TM9SF4: variants seen among roughly 807,000 people sequenced by gnomAD.
TM9SF4 encodes the protein dinucleotide oxidase disulfide thiol exchanger 3 superfamily member 4.
In TM9SF4, 26 loss-of-function variants were observed where a neutral mutation model predicts 90.4. That is an observed-to-expected ratio of 0.29 (90% CI 0.21 to 0.40). The LOEUF is 0.40. Among genes scored for constraint, TM9SF4 ranks in the 10% least tolerant of loss-of-function variants. TM9SF4 has a pLI of 1.00. For missense variants in TM9SF4, 549 were observed against 834.8 expected (o/e 0.66, Z 4.22); for synonymous variants, 293 against 315.4 (o/e 0.93, Z 0.75).
chr20:32,136,782 C>T (rs1448019182), intron 3 of TM9SF4: 5 of 461,900 alleles, frequency 1.1e-5, no homozygotes, highest in Non-Finnish European at 2.3e-5. Context: ...ATTAGTGCCT[C>T]CTCTGTGACT....
intron 16 of TM9SF4, among the ~76,000 whole-genome samples, chr20:32,160,386 A>G (rs2046997805): frequency 6.6e-6 from 1 of 152,184 alleles, no homozygotes; most frequent in African/African-American, 2.4e-5. Flanking sequence ...AGTCCACTCC[A>G]GTAGTAGTTT....
Position 32,136,112 on chromosome 20 carries a change from T to C in TM9SF4, c.168T>C (p.Tyr56=). 6.2e-7 allele frequency: 1 copy of C among 1,614,216 alleles called. No individual in the cohort carries two copies. Among genetic ancestry groups the C allele is most frequent in the East Asian group, 2.2e-5 (1 of 44,886 alleles). The change falls in exon 3 of 18, where the codon TAT becomes TAC. Residue 56 remains tyrosine, a synonymous_variant. Transcript: ENST00000398022. ...CCAGCTCTCGAACCCAGCTACCTTA[T>C]GAATACTATTCACTGCCCTTCTGCC... ...KLTSSRTQLP[Y]EYYSLPFCQP...
chr20:32,159,356 C>T (rs1291492978), intron 15 of TM9SF4: 1 of 152,542 alleles, frequency 6.6e-6, no homozygotes, highest in Non-Finnish European at 1.5e-5. Flanking sequence ...GCTGACCCAG[C>T]TCGGGGCCCA....
intron 17 of TM9SF4, among the ~76,000 whole-genome samples, chr20:32,163,268 A>AAATATATATAT (rs1555886757): frequency 3.0e-4 from 22 of 74,458 alleles, no homozygotes; most frequent in African/African-American, 8.9e-4. Context: ...AAAAAAAAAA[A>AAATATATATAT]ATATATATAT....
chr20:32,154,780 A>G (rs1189546252), intron 12 of TM9SF4, among the ~76,000 whole-genome samples: 1 of 152,220 alleles, frequency 6.6e-6, no homozygotes, highest in Non-Finnish European at 1.5e-5. Flanking sequence ...CTCAGTGATG[A>G]GAGTACATCA....
At chr20:32,149,386 A>G (rs2046808971) in intron 9 of TM9SF4, among the ~76,000 whole-genome samples, 2 of 152,206 alleles carry the variant, frequency 1.3e-5, no homozygotes, top group Admixed American at 6.5e-5. Context: ...AGGTATTTAC[A>G]TTATTTTCCC....
intron 1 of TM9SF4, chr20:32,110,004 C>G: frequency 7.1e-7 from 1 of 1,406,326 alleles, no homozygotes; most frequent in Non-Finnish European, 9.2e-7. Context: ...CTGCTGCCTT[C>G]GCCGGTTCCC....
intron 13 of TM9SF4, among the ~76,000 whole-genome samples, chr20:32,156,937 A>ATTTCTT (rs2046931869): frequency 1.6e-5 from 1 of 63,066 alleles, no homozygotes; most frequent in East Asian, 8.2e-4. Context: ...TTTCCTGGAC[A>ATTTCTT]TTTTCTTTTT....
At chr20:32,162,106 G>A (rs1248449377) in intron 17 of TM9SF4, among the ~76,000 whole-genome samples, 1 of 152,204 alleles carries the variant, frequency 6.6e-6, no homozygotes, top group African/African-American at 2.4e-5. Context: ...ATGAGCCATT[G>A]AGAGGAATTT....
chr20:32,111,403 T>C (rs1205970269), intron 1 of TM9SF4, among the ~76,000 whole-genome samples: 2 of 152,192 alleles, frequency 1.3e-5, no homozygotes, highest in African/African-American at 4.8e-5. Flanking sequence ...TCAGAGATTT[T>C]TAAGAGGTTA....
chr20:32,131,207 G>T (rs1467964615), intron 1 of TM9SF4, among the ~76,000 whole-genome samples: 1 of 152,142 alleles, frequency 6.6e-6, no homozygotes, highest in Non-Finnish European at 1.5e-5. Context: ...CTGGAGTCAG[G>T]CTTTCCTAAT....
In TM9SF4 at chr20:32,157,815, G is replaced by T. The variant is rs754994476; in HGVS notation, c.1351G>T (p.Ala451Ser). 6.2e-7 allele frequency: 1 copy of T among 1,614,152 alleles called. No homozygotes were observed. The highest frequency in any genetic ancestry group is 1.7e-5 in the Admixed American group (1 of 60,018). Reference sequence around the variant, plus strand: ...ACAGGTGCCCTTTCCCACCATGGTGGCTCTGCTGTGCATGTGGTTCGGGAT... The same window carrying T: ...ACAGGTGCCCTTTCCCACCATGGTGTCTCTGCTGTGCATGTGGTTCGGGAT... ...SGAVPFPTMV[A>S]LLCMWFGISL... is the part of the protein sequence containing the mutation. The change falls in exon 14 of 18, where the codon GCT becomes TCT. Residue 451 changes from alanine to serine, a missense_variant. By Grantham distance (99) the Ala-to-Ser change is moderately conservative. Coordinates refer to ENST00000398022, the MANE Select transcript of TM9SF4 (RefSeq NM_014742.4).
At chr20:32,124,947 G>C (rs2046397593) in intron 1 of TM9SF4, among the ~76,000 whole-genome samples, 1 of 152,094 alleles carries the variant, frequency 6.6e-6, no homozygotes, top group Admixed American at 6.6e-5. Context: ...GCCTTGTTTT[G>C]TTTTGTTTTA....
chr20:32,121,270 T>C (rs1051265263), intron 1 of TM9SF4, among the ~76,000 whole-genome samples: 1 of 150,200 alleles, frequency 6.7e-6, no homozygotes, highest in Non-Finnish European at 1.5e-5. Flanking sequence ...GGCAGGGTCA[T>C]AGGACAATAG....
rs367614289 is a variant in TM9SF4, at chr20:32,145,302, C to T, written c.772-10C>T. 6.2e-7 allele frequency: 1 copy of T among 1,613,962 alleles called. No homozygotes were observed. Among genetic ancestry groups the T allele is most frequent in the Admixed American group, 1.7e-5 (1 of 60,020 alleles). ...ATGCCTGACTCTAAGTGCTTCCTCC[C>T]ACCTGCCAGGAAAGTGATATCAAAT... On this transcript the variant is annotated splice_polypyrimidine_tract_variant and intron_variant, in intron 7 of 17. Transcript: ENST00000398022.
chr20:32,143,481 C>T (rs2046711567), intron 6 of TM9SF4, among the ~76,000 whole-genome samples: 1 of 152,188 alleles, frequency 6.6e-6, no homozygotes, highest in African/African-American at 2.4e-5. Context: ...GAACAAGGGG[C>T]CAGGGTACAG....
chr20:32,110,042 G>A (rs918111076), intron 1 of TM9SF4: 14 of 1,370,342 alleles, frequency 1.0e-5, no homozygotes, highest in Non-Finnish European at 1.2e-5. Flanking sequence ...CGCCCACTGT[G>A]AGCCCCATTT....
chr20:32,158,392 A>T, intron 14 of TM9SF4, 59 bp from the exon 15 acceptor site: 1 of 1,559,542 alleles, frequency 6.4e-7, no homozygotes, highest in Non-Finnish European at 8.8e-7. Context: ...CTTGGGAAGG[A>T]GCTTGGGGCT....
chr20:32,133,355 G>T (rs1468406266), intron 2 of TM9SF4, among the ~76,000 whole-genome samples: 7 of 152,052 alleles, frequency 4.6e-5, no homozygotes, highest in Non-Finnish European at 1.0e-4. Context: ...TTGCATCTCG[G>T]TCTCTTTCTC....
Sources: allele counts gnomAD v4.1 joint callset (sites outside exome capture counted in the v4.1 genomes callset), GRCh38; gene constraint gnomAD v4.1.1; transcripts MANE v1.5; gene names NCBI Gene and HGNC (gene_info 2026-07-23, HGNC 2026-07-21).